The following VASP variants were observed in gnomAD, a reference collection of about 807,000 sequenced individuals.
VASP encodes vasodilator-stimulated phosphoprotein.
A neutral mutation model predicts 54.4 loss-of-function variants in VASP; 27 were observed. The ratio of observed to expected loss-of-function variants is 0.50; its 90% CI spans 0.37 to 0.68. The LOEUF is 0.68. Ranked by LOEUF, VASP falls within the 30% of genes least tolerant of loss-of-function variation. VASP has a pLI of 0.00. For synonymous variants in VASP, 233 were observed against 209.8 expected, an observed-to-expected ratio of 1.11 and a Z score of -0.96; for missense variants, 488 against 528.3, an observed-to-expected ratio of 0.92 and a Z score of 0.75.
chr19:45,509,533 C>CCAG (rs1968559165), intron 1 of VASP, among the ~76,000 whole-genome samples: 2 of 151,144 alleles, frequency 1.3e-5, no homozygotes, highest in Admixed American at 1.3e-4. Flanking sequence ...ACCACCACCA[C>CCAG]CACCAGCACC....
At position 45,523,855 on chromosome 19, in the gene VASP, G is replaced by C; in HGVS notation, c.888G>C (p.Glu296Asp). 1.2e-6 allele frequency: 2 copies of C among 1,614,036 alleles called. No homozygotes were observed. Among genetic ancestry groups the C allele is most frequent in the Non-Finnish European group, 1.7e-6 (2 of 1,180,014 alleles). The change falls in exon 9 of 13, where the codon GAG becomes GAC. Residue 296 changes from glutamate (E) to aspartate (D), a missense_variant. Glu to Asp is a conservative substitution (Grantham distance 45). Coordinates refer to ENST00000245932, the MANE Select transcript of VASP (RefSeq NM_003370.4). Reference sequence around the variant, plus strand: ...TTTCCTACCAGCAGGAGGAGCCAGAGGCCAGAGTCCCGGCCCAGAGTGGTG... The same window carrying C: ...TTTCCTACCAGCAGGAGGAGCCAGACGCCAGAGTCCCGGCCCAGAGTGGTG... ...KDESANQEEPEARVPAQSESV... is the reference protein window; with the variant it reads ...KDESANQEEPDARVPAQSESV...
chr19:45,509,608 G>A (rs143042478), intron 1 of VASP, among the ~76,000 whole-genome samples: 41 of 152,302 alleles, frequency 2.7e-4, no homozygotes, highest in Non-Finnish European at 4.6e-4. Context: ...CAAGCATCCC[G>A]TCTTGTGGGG....
chr19:45,518,434 C>T (rs904754525), intron 3 of VASP, among the ~76,000 whole-genome samples: 9 of 151,944 alleles, frequency 5.9e-5, no homozygotes, highest in Admixed American at 5.3e-4. Flanking sequence ...TGGTGGTGCG[C>T]GCCTGTAATC....
intron 1 of VASP, among the ~76,000 whole-genome samples, chr19:45,514,441 G>C (rs921781082): frequency 3.3e-5 from 5 of 151,978 alleles, no homozygotes; most frequent in Non-Finnish European, 7.4e-5. Context: ...GGCTGGTCTT[G>C]AACTTCTGGA....
chr19:45,526,597 AT>A lies in VASP; in HGVS notation c.*429del, dbSNP rs568141199. 264 of 152,798 alleles carry A rather than the reference AT, an allele frequency of 1.7e-3. 10 individuals carry two copies. The South Asian group carries it at 0.049, about 28-fold the overall frequency. The allele number at this position is 152,798 out of a possible 1,614,324, so 9.5% of individuals were successfully genotyped here. A position where few individuals can be genotyped will look rare whatever the true frequency, so the allele number is the denominator to read the frequency against. ...ATTTGGGTTTTGGGGGAAAAGGGAAATTTTTTTTTCTCTTTGGTTTTGATAA... is the reference window on the plus strand; with the variant it reads ...ATTTGGGTTTTGGGGGAAAAGGGAAATTTTTTTTCTCTTTGGTTTTGATAA... On this transcript the variant is annotated 3_prime_UTR_variant, in exon 13 of 13. Transcript: ENST00000245932.
Position 45,518,031 on chromosome 19 carries a change from G to A in VASP, c.280G>A (p.Gly94Ser), listed in dbSNP as rs529146911. 1.1e-5 allele frequency: 17 copies of A among 1,613,940 alleles called. No individual in the cohort carries two copies. The highest frequency in any genetic ancestry group is 3.3e-5 in the Admixed American group (2 of 60,012). ...TCGCCAGGTCTGGGGCCTCAACTTC[G>A]GCAGCAAGGAGGATGCGGCCCAGTT... ...DARQVWGLNF[G>S]SKEDAAQFAA... Residue 94 changes from glycine (G) to serine (S), a missense_variant, in exon 3 of 13, where the codon GGC becomes AGC. By Grantham distance (56) the Gly-to-Ser change is moderately conservative. This residue lies in a region of VASP where 127 missense variants were observed against 170.7 expected (regional missense o/e 0.74). Coordinates refer to ENST00000245932, the MANE Select transcript of VASP (RefSeq NM_003370.4).
chr19:45,510,687 C>G (rs929281781), intron 1 of VASP, among the ~76,000 whole-genome samples: 2 of 152,108 alleles, frequency 1.3e-5, no homozygotes, highest in African/African-American at 4.8e-5. Flanking sequence ...AATCCTAACA[C>G]TTTGGGAGGC....
rs966831988 is a variant in VASP at position 45,518,168 on chromosome 19, G to A, written c.343+74G>A. 54 of 1,534,846 alleles carry A rather than the reference G, an allele frequency of 3.5e-5. No individual in the cohort carries two copies. In the African/African-American group the frequency reaches 6.5e-4, roughly 18 times the overall value. ...CCTGGGGCTGCCGCTTTACCCTGCT[G>A]GGACTTGGTTTACTCGTCGGTAAAA... On this transcript the variant is annotated intron_variant, in intron 3 of 12. Coordinates refer to ENST00000245932, the MANE Select transcript of VASP (RefSeq NM_003370.4).
intron 1 of VASP, among the ~76,000 whole-genome samples, chr19:45,511,530 G>A (rs989027517): frequency 6.6e-6 from 1 of 152,140 alleles, no homozygotes. Flanking sequence ...GACTTGCAGG[G>A]AGGAGTGGGT....
In VASP at chr19:45,517,759, C is replaced by T. The variant is rs1257709392; in HGVS notation, c.102C>T (p.Ser34=). ...CTGGCACGGGTCCCCAGGCCTTCAG[C>T]CGCGTCCAGATCTACCACAACCCCA... ...LPAGTGPQAF[S]RVQIYHNPTA... Residue 34 remains serine (S), a synonymous_variant, in exon 2 of 13, where the codon AGC becomes AGT. Transcript: ENST00000245932. 1 of 1,613,694 alleles carries T rather than the reference C, an allele frequency of 6.2e-7. No homozygotes were observed.
At chr19:45,525,594 C>T (rs558623683) in intron 11 of VASP, among the ~76,000 whole-genome samples, 20 of 152,000 alleles carry the variant, frequency 1.3e-4, no homozygotes, top group Non-Finnish European at 2.4e-4. Context: ...GTTATTTGGG[C>T]GGCTGAGGCA....
At chr19:45,524,530 C>G (rs908444732) in intron 10 of VASP, 40 bp from the exon 11 acceptor site, 2 of 1,592,012 alleles carry the variant, frequency 1.3e-6, no homozygotes, top group African/African-American at 2.7e-5. Context: ...GGTCCTCTCT[C>G]TAATCTCATT....
chr19:45,521,681 G>A (rs1968837405), intron 4 of VASP, among the ~76,000 whole-genome samples: 1 of 152,180 alleles, frequency 6.6e-6, no homozygotes, highest in South Asian at 2.1e-4. Flanking sequence ...CTGAGGTCAG[G>A]AGTTTGAGAC....
rs369765423 is a variant in VASP, at chr19:45,524,626, C to G, written c.1013C>G (p.Ser338Cys). Residue 338 changes from serine to cysteine, a missense_variant, in exon 11 of 13, where the codon TCC becomes TGC. Around this residue, in one of 4 missense-constraint regions of VASP, gnomAD observed 126 missense variants for 134.8 expected, o/e 0.94. Transcript: ENST00000245932. The part of the protein sequence containing the change: ...TSETQPCTPS[S>C]SDYSDLQRVK... ...GAGACCCAACCCTGCACGCCCAGCT[C>G]CAGTGATTACTCGGACCTACAGAGG... 1.9e-6 allele frequency: 3 copies of G among 1,613,820 alleles called. No homozygotes were observed. The highest frequency in any genetic ancestry group is 2.5e-6 in the Non-Finnish European group (3 of 1,179,970).
intron 7 of VASP, among the ~76,000 whole-genome samples, 163 bp from the exon 8 acceptor site, chr19:45,523,481 G>C (rs1027974906): frequency 6.6e-6 from 1 of 152,012 alleles, no homozygotes; most frequent in Non-Finnish European, 1.5e-5. Context: ...GGCATTACAG[G>C]CCACTGCGCC....
chr19:45,511,183 A>G (rs1168033001), intron 1 of VASP, among the ~76,000 whole-genome samples: 1 of 152,094 alleles, frequency 6.6e-6, no homozygotes, highest in Non-Finnish European at 1.5e-5. Flanking sequence ...TATATGTATC[A>G]TAGGTTTTAT....
At chr19:45,521,212 G>A (rs1968824292) in intron 3 of VASP, 110 bp from the exon 4 acceptor site, 1 of 1,113,238 alleles carries the variant, frequency 9.0e-7, no homozygotes, top group African/African-American at 1.6e-5. Flanking sequence ...GAAGGAGGAA[G>A]TGAGCGCCTC....
intron 3 of VASP, among the ~76,000 whole-genome samples, chr19:45,518,483 A>C (rs1422168112): frequency 6.6e-6 from 1 of 152,104 alleles, no homozygotes; most frequent in Non-Finnish European, 1.5e-5. Context: ...AAGTGTTTGA[A>C]CCCAGGAGAT....
intron 1 of VASP, among the ~76,000 whole-genome samples, chr19:45,516,117 T>C (rs73942909): frequency 0.2 from 29,923 of 152,138 alleles, 3,236 homozygotes; most frequent in African/African-American, 0.28. Context: ...GGGGCAGGCG[T>C]TCCTTCAGGG....
Sources: gnomAD v4.1 joint callset for allele counts (sites outside exome capture counted in the v4.1 genomes callset) on GRCh38, gnomAD v4.1.1 for gene constraint, gnomAD v4.1.1 regional missense constraint, MANE v1.5 for transcripts, NCBI Gene and HGNC (gene_info 2026-07-23, HGNC 2026-07-21) for gene names.